The following SPOCK3 variants were observed in gnomAD, a reference collection of about 807,000 sequenced individuals.
SPOCK3 encodes SPARC (osteonectin), cwcv and kazal like domains proteoglycan 3.
In SPOCK3, 30 loss-of-function variants were observed where a neutral mutation model predicts 56.6. The observed-to-expected ratio is 0.53, with a 90% CI of 0.40 to 0.72. The LOEUF (loss-of-function observed/expected upper bound fraction) is 0.72. Among genes scored for constraint, SPOCK3 ranks in the 30% least tolerant of loss-of-function variants. The pLI, the probability that SPOCK3 is intolerant of heterozygous loss-of-function variation, is 0.00. For missense variants in SPOCK3, 527 were observed against 530.0 expected (o/e 0.99, Z 0.06); for synonymous variants, 196 against 183.3 (o/e 1.07, Z -0.56).
chr4:167,180,598 T>C (rs1731375285), intron 2 of SPOCK3, among the ~76,000 whole-genome samples: 1 of 152,182 alleles, frequency 6.6e-6, no homozygotes, highest in Admixed American at 6.5e-5. Context: ...ATGCACACAA[T>C]GATGAATCAC....
chr4:166,931,711 A>C (rs1171726434), intron 4 of SPOCK3, among the ~76,000 whole-genome samples: 1 of 152,196 alleles, frequency 6.6e-6, no homozygotes, highest in Non-Finnish European at 1.5e-5. Flanking sequence ...TTCACTCTAA[A>C]GTTCATTTCC....
chr4:167,052,781 C>T (rs188648286), intron 3 of SPOCK3, among the ~76,000 whole-genome samples: 1 of 152,096 alleles, frequency 6.6e-6, no homozygotes, highest in Non-Finnish European at 1.5e-5. Context: ...ATAAATGATA[C>T]TCATGTAAAT....
Position 166,734,954 on chromosome 4 carries a change from A to T in SPOCK3, c.1269T>A (p.Asp423Glu), listed in dbSNP as rs1291350926. Residue 423 changes from aspartate to glutamate, a missense_variant, in exon 11 of 11, where the codon GAT (aspartate) becomes GAA (glutamate). Asp to Glu is a conservative substitution (Grantham distance 45). Transcript: ENST00000357545. ...ATACATCATGGTCATCACCACCATC[A>T]TCATCATCCCCTTCATCTTCATCAT... ...EDDDEDEGDD[D>E]DGGDDHDVYI The T allele has an allele frequency of 6.5e-7, 1 of 1,536,352 alleles. No individual in the cohort carries two copies. The highest frequency in any genetic ancestry group is 9.0e-7 in the Non-Finnish European group (1 of 1,111,116).
intron 2 of SPOCK3, among the ~76,000 whole-genome samples, chr4:167,173,677 A>G (rs1322422941): frequency 5.9e-5 from 9 of 152,148 alleles, no homozygotes; most frequent in African/African-American, 2.2e-4. Flanking sequence ...GTGCCTACTG[A>G]GTAATGGGTA....
chr4:167,079,074 GAA>G (rs397880869), intron 2 of SPOCK3, among the ~76,000 whole-genome samples: 1 of 139,412 alleles, frequency 7.2e-6, no homozygotes. Context: ...TTGGGCAAAT[GAA>G]AAAAAAAAAG....
At chr4:167,204,312 C>G (rs896060542) in intron 2 of SPOCK3, among the ~76,000 whole-genome samples, 1 of 152,082 alleles carries the variant, frequency 6.6e-6, no homozygotes, top group African/African-American at 2.4e-5. Context: ...AGTCTGTTCT[C>G]ACACTGCTAC....
chr4:166,831,758 G>GTT (rs1469505797), intron 6 of SPOCK3, among the ~76,000 whole-genome samples: 2 of 50,580 alleles, frequency 4.0e-5, no homozygotes, highest in Admixed American at 2.0e-4. Context: ...CTCCATTTTT[G>GTT]TTTTTTTTTT....
chr4:166,838,637 T>C (rs1229092052), intron 6 of SPOCK3, among the ~76,000 whole-genome samples: 1 of 149,376 alleles, frequency 6.7e-6, no homozygotes, highest in African/African-American at 2.5e-5. Flanking sequence ...TACTGAAATA[T>C]CTTTATCATT....
At chr4:166,786,481 T>G (rs1740740400) in intron 7 of SPOCK3, among the ~76,000 whole-genome samples, 1 of 152,184 alleles carries the variant, frequency 6.6e-6, no homozygotes, top group Non-Finnish European at 1.5e-5. Context: ...AGAATGAGAT[T>G]ATGATCCTGG....
chr4:166,907,675 A>G (rs1736775969), intron 5 of SPOCK3, among the ~76,000 whole-genome samples: 1 of 152,106 alleles, frequency 6.6e-6, no homozygotes, highest in South Asian at 2.1e-4. Flanking sequence ...TCAAATATAG[A>G]GGTTTACCTC....
At chr4:167,189,065 G>A (rs1014590427) in intron 2 of SPOCK3, among the ~76,000 whole-genome samples, 2 of 146,110 alleles carry the variant, frequency 1.4e-5, no homozygotes, top group Admixed American at 7.0e-5. Flanking sequence ...AAAGAAGGAA[G>A]CATTTTCCAA....
At position 166,993,848 on chromosome 4, in the gene SPOCK3, T is replaced by C. The variant is rs373560164; in HGVS notation, c.350+6501A>G. ...TAGACCTTTCTCAATAATTAATGTT[T>C]ATTGAGTGCTTTCATTGTGAAAAGT... is the stretch of plus-strand genomic sequence containing the variant. On this transcript the variant is annotated intron_variant, in intron 4 of 10. Coordinates refer to ENST00000357545, the MANE Select transcript of SPOCK3 (RefSeq NM_001040159.2). 1.1e-4 allele frequency among the ~76,000 whole-genome samples: 16 copies of C among 152,304 alleles called. No individual in the cohort carries two copies. In the East Asian group the frequency reaches 2.5e-3, roughly 24 times the overall value.
intron 5 of SPOCK3, among the ~76,000 whole-genome samples, chr4:166,903,225 G>C (rs916891518): frequency 6.6e-6 from 1 of 150,800 alleles, no homozygotes; most frequent in African/African-American, 2.4e-5. Flanking sequence ...AACAAACTCT[G>C]TGGAATCCTT....
chr4:166,740,823 G>T (rs1734769474), intron 9 of SPOCK3, among the ~76,000 whole-genome samples: 1 of 152,114 alleles, frequency 6.6e-6, no homozygotes, highest in South Asian at 2.1e-4. Context: ...ACTGTACCCA[G>T]CCAGAATGTA....
chr4:167,198,657 G>A (rs1218198804), intron 2 of SPOCK3, among the ~76,000 whole-genome samples: 3 of 151,916 alleles, frequency 2.0e-5, no homozygotes, highest in Admixed American at 6.6e-5. Context: ...ATTTTGTAAC[G>A]CTGTTTCAGA....
intron 8 of SPOCK3, 94 bp from the exon 9 acceptor site, chr4:166,742,153 C>A (rs141718856): frequency 1.1e-6 from 1 of 885,010 alleles, no homozygotes; most frequent in African/African-American, 1.7e-5. Context: ...TCTTTTTGTG[C>A]CTTTGGAAGA....
intron 2 of SPOCK3, among the ~76,000 whole-genome samples, chr4:167,109,862 A>G (rs1219042198): frequency 6.6e-6 from 1 of 151,948 alleles, no homozygotes; most frequent in South Asian, 2.1e-4. Flanking sequence ...TCATAAAATC[A>G]TATCTTTCTA....
intron 2 of SPOCK3, among the ~76,000 whole-genome samples, chr4:167,231,449 A>G (rs1737170985): frequency 6.6e-6 from 1 of 152,082 alleles, no homozygotes; most frequent in Admixed American, 6.5e-5. Flanking sequence ...TTTCTCAAAT[A>G]AGAGGTTCAG....
intron 7 of SPOCK3, among the ~76,000 whole-genome samples, chr4:166,755,152 A>C (rs1736908119): frequency 6.6e-6 from 1 of 152,100 alleles, no homozygotes; most frequent in Non-Finnish European, 1.5e-5. Context: ...ATGATCTTAA[A>C]AGCAGACTTT....
Sources: allele counts gnomAD v4.1 joint callset (sites outside exome capture counted in the v4.1 genomes callset), GRCh38; gene constraint gnomAD v4.1.1; transcripts MANE v1.5; gene names NCBI Gene and HGNC (gene_info 2026-07-23, HGNC 2026-07-21).